The following PRELP variants were observed in gnomAD, a reference collection of about 807,000 sequenced individuals.
The protein encoded by PRELP is prolargin.
PRELP carries 16 observed loss-of-function variants against 22.8 expected under a neutral mutation model. That is an observed-to-expected ratio of 0.70 (90% CI 0.47 to 1.06). The LOEUF (loss-of-function observed/expected upper bound fraction) is 1.06, where lower values mean the gene tolerates loss of function less well. Ranked by LOEUF, PRELP falls within the 50% of genes least tolerant of loss-of-function variation. PRELP has a pLI of 0.00. For missense variants in PRELP, 434 were observed against 485.2 expected (o/e 0.89, Z 0.99); for synonymous variants, 233 against 211.4 (o/e 1.10, Z -0.89).
rs904068099 is a variant in PRELP, at chr1:203,488,009, G to T, written c.*1128G>T. 2.0e-5 allele frequency: 3 copies of T among 152,306 alleles called. No homozygotes were observed. The highest frequency in any genetic ancestry group is 2.0e-4 in the Admixed American group (3 of 15,292). 9.4% of individuals were successfully genotyped at this position (152,306 alleles called of 1,614,324 possible). Reference sequence around the variant, plus strand: ...CCCTCTTCCTGGGGTGATTTTCCTCGGTGGAGGAGGCCCGTGGGGTCCCAA... The same window carrying T: ...CCCTCTTCCTGGGGTGATTTTCCTCTGTGGAGGAGGCCCGTGGGGTCCCAA... On this transcript the variant is annotated 3_prime_UTR_variant, in exon 3 of 3. Coordinates refer to ENST00000343110, the MANE Select transcript of PRELP (RefSeq NM_002725.4).
intron 1 of PRELP, among the ~76,000 whole-genome samples, chr1:203,482,927 C>T (rs1013712746): frequency 6.6e-6 from 1 of 152,066 alleles, no homozygotes; most frequent in Non-Finnish European, 1.5e-5. Context: ...ATGTCCCCCG[C>T]CCTCTTCAGA....
chr1:203,486,914 C>T lies in PRELP; in HGVS notation c.*33C>T. ...TCCGCCACCGGATCTGCTCTGACCG[C>T]ACTTGAAGGCTGGGGCCCAGGCACC... On this transcript the variant is annotated 3_prime_UTR_variant, in exon 3 of 3. Transcript: ENST00000343110. 3 of 1,565,508 alleles carry T rather than the reference C, an allele frequency of 1.9e-6. No homozygotes were observed. The highest frequency in any genetic ancestry group is 2.6e-6 in the Non-Finnish European group (3 of 1,149,246).
chr1:203,489,222 G>A lies in PRELP; in HGVS notation c.*2341G>A, dbSNP rs1356032408. The A allele has an allele frequency of 6.6e-6, 1 of 152,624 alleles. No individual in the cohort carries two copies. The highest frequency in any genetic ancestry group is 1.9e-4 in the East Asian group (1 of 5,188). The allele number at this position is 152,624 out of a possible 1,614,324, so 9.5% of individuals were successfully genotyped here. A position where few individuals can be genotyped will look rare whatever the true frequency, so the allele number is the denominator to read the frequency against. On this transcript the variant is annotated 3_prime_UTR_variant, in exon 3 of 3. Transcript: ENST00000343110. Reference sequence around the variant, plus strand: ...CCCCTTTGATGAGGCCCTCAGGGGAGAGGTCATTACCTTGATCCTGCAAAC... The same window carrying A: ...CCCCTTTGATGAGGCCCTCAGGGGAAAGGTCATTACCTTGATCCTGCAAAC...
intron 1 of PRELP, among the ~76,000 whole-genome samples, chr1:203,480,172 C>T (rs1469317718): frequency 6.6e-6 from 1 of 152,152 alleles, no homozygotes; most frequent in East Asian, 1.9e-4. Context: ...AAAGCAATTG[C>T]CTTTCTCTTC....
At chr1:203,485,477 C>G (rs766877837) in intron 2 of PRELP, among the ~76,000 whole-genome samples, 4 of 152,168 alleles carry the variant, frequency 2.6e-5, no homozygotes, top group Non-Finnish European at 5.9e-5. Context: ...GGGGTGATTA[C>G]GTTCTTCACA....
At chr1:203,484,237 AGGGTG>A (rs1176324526) in intron 2 of PRELP, 80 bp downstream of exon 2, 79 of 1,527,850 alleles carry the variant, frequency 5.2e-5, no homozygotes, top group Non-Finnish European at 6.9e-5. Context: ...AGGGAGACTC[AGGGTG>A]GGGTGGTATA....
At position 203,490,521 on chromosome 1, in the gene PRELP, C is replaced by G. The variant is rs1380573904; in HGVS notation, c.*3640C>G. The G allele has an allele frequency of 6.6e-6, 1 of 152,106 alleles. No homozygotes were observed. Among genetic ancestry groups the G allele is most frequent in the Non-Finnish European group, 1.5e-5 (1 of 68,024 alleles). The allele number at this position is 152,106 out of a possible 1,614,324, so 9.4% of individuals were successfully genotyped here. On this transcript the variant is annotated 3_prime_UTR_variant, in exon 3 of 3. Transcript: ENST00000343110. ...ACACAAAACGGTCGTCTTTCCTGCC[C>G]AAGTAAAGCTTACAGACTAACTGGG...
intron 1 of PRELP, among the ~76,000 whole-genome samples, chr1:203,480,804 G>C (rs969183142): frequency 3.9e-5 from 6 of 152,240 alleles, no homozygotes; most frequent in African/African-American, 1.2e-4. Flanking sequence ...TAGGCCCAGA[G>C]GTTTGGAATG....
intron 1 of PRELP, among the ~76,000 whole-genome samples, chr1:203,478,431 G>A (rs1217633165): frequency 6.6e-6 from 1 of 152,236 alleles, no homozygotes; most frequent in Non-Finnish European, 1.5e-5. Flanking sequence ...CTAGTGGCCT[G>A]AGGCCAGAAA....
Position 203,486,898 on chromosome 1 carries a change from G to T in PRELP, c.*17G>T. The T allele has an allele frequency of 6.2e-7, 1 of 1,604,522 alleles. No homozygotes were observed. Among genetic ancestry groups the T allele is most frequent in the Non-Finnish European group, 8.5e-7 (1 of 1,173,724 alleles). The stretch of plus-strand genomic sequence containing the variant: ...GTCATCTAGGCCCTACTCCGCCACC[G>T]GATCTGCTCTGACCGCACTTGAAGG... On this transcript the variant is annotated 3_prime_UTR_variant, in exon 3 of 3. Coordinates refer to ENST00000343110, the MANE Select transcript of PRELP (RefSeq NM_002725.4).
Position 203,486,797 on chromosome 1 carries a change from G to C in PRELP, c.1065G>C (p.Leu355=). ...DLENVPHLRY[L]RLDGNYLKPP... Reference sequence around the variant, plus strand: ...AGAACGTGCCACACCTGCGCTACCTGCGGCTGGATGGAAACTACTTGAAGC... The same window carrying C: ...AGAACGTGCCACACCTGCGCTACCTCCGGCTGGATGGAAACTACTTGAAGC... Residue 355 remains leucine, a synonymous_variant, in exon 3 of 3, where the codon CTG becomes CTC. Transcript: ENST00000343110. 6.2e-7 allele frequency: 1 copy of C among 1,614,146 alleles called. No homozygotes were observed. Among genetic ancestry groups the C allele is most frequent in the Non-Finnish European group, 8.5e-7 (1 of 1,180,024 alleles).
Position 203,483,781 on chromosome 1 carries a change from C to T in PRELP, c.597C>T (p.Leu199=). 8.7e-6 allele frequency: 14 copies of T among 1,614,184 alleles called. No homozygotes were observed. The highest frequency in any genetic ancestry group is 1.3e-5 in the African/African-American group (1 of 75,032). The change falls in exon 2 of 3, where the codon CTC becomes CTT. Residue 199 remains leucine (L), a synonymous_variant. Coordinates refer to ENST00000343110, the MANE Select transcript of PRELP (RefSeq NM_002725.4). The surrounding 1 kb of genome is among the most constrained non-coding windows in gnomAD (Gnocchi z 4.4). ...TCAGCAAGCTGGAGAACCTGCTGCT[C>T]CTGGATCTCCAGCACAACAGGCTGA... ...GVFSKLENLL[L]LDLQHNRLSD...
rs1661180569 is a variant in PRELP at position 203,490,870 on chromosome 1, G to A, written c.*3989G>A. The A allele has an allele frequency of 6.6e-6, 1 of 152,208 alleles. No homozygotes were observed. Among genetic ancestry groups the A allele is most frequent in the Non-Finnish European group, 1.5e-5 (1 of 68,044 alleles). 9.4% of individuals were successfully genotyped at this position (152,208 alleles called of 1,614,324 possible). On this transcript the variant is annotated 3_prime_UTR_variant, in exon 3 of 3. Transcript: ENST00000343110. Reference sequence around the variant, plus strand: ...CCAGGTCCCCAGCTACGCATTCAAGGATGGATAATATACATAGCAGCACAT... The same window carrying A: ...CCAGGTCCCCAGCTACGCATTCAAGAATGGATAATATACATAGCAGCACAT...
At chr1:203,485,070 T>TGA (rs1661069193) in intron 2 of PRELP, among the ~76,000 whole-genome samples, 1 of 151,946 alleles carries the variant, frequency 6.6e-6, no homozygotes, top group Non-Finnish European at 1.5e-5. Flanking sequence ...AGATGGAGAT[T>TGA]GTTGGTGTCT....
intron 1 of PRELP, among the ~76,000 whole-genome samples, chr1:203,482,591 CT>C (rs58787817): frequency 3.4e-3 from 173 of 51,066 alleles, no homozygotes; most frequent in Middle Eastern, 0.022. Flanking sequence ...CCCAATGTGC[CT>C]TTTTTTTTTT....
chr1:203,478,325 G>C (rs145036481), intron 1 of PRELP, among the ~76,000 whole-genome samples: 3 of 152,096 alleles, frequency 2.0e-5, no homozygotes, highest in Non-Finnish European at 4.4e-5. Context: ...TGGGGGAATG[G>C]GGCAGAGGAT....
At chr1:203,481,656 G>A (rs1006204027) in intron 1 of PRELP, among the ~76,000 whole-genome samples, 7 of 152,086 alleles carry the variant, frequency 4.6e-5, no homozygotes, top group Admixed American at 3.3e-4. Context: ...CTTCCCTTCC[G>A]CCTTCCTTCT....
chr1:203,485,961 C>T (rs953740991), intron 2 of PRELP, among the ~76,000 whole-genome samples: 1 of 152,184 alleles, frequency 6.6e-6, no homozygotes, highest in African/African-American at 2.4e-5. Flanking sequence ...CTCTTCCTGT[C>T]ATCCTTATTT....
chr1:203,480,264 T>G (rs528142759), intron 1 of PRELP, among the ~76,000 whole-genome samples: 4 of 152,278 alleles, frequency 2.6e-5, no homozygotes, highest in South Asian at 4.1e-4. Context: ...CAACAAACCT[T>G]CACTGATTGA....
Sources: gnomAD v4.1 joint callset for allele counts (sites outside exome capture counted in the v4.1 genomes callset) on GRCh38, gnomAD v4.1.1 for gene constraint, Gnocchi (gnomAD v3.1) non-coding constraint, MANE v1.5 for transcripts, NCBI Gene and HGNC (gene_info 2026-07-23, HGNC 2026-07-21) for gene names.